ZFP28: variants seen among roughly 807,000 people sequenced by gnomAD.
The protein encoded by ZFP28 is ZFP28 zinc finger protein, also known as zinc finger protein 28 homolog.
A neutral mutation model predicts 39.5 loss-of-function variants in ZFP28; 31 were observed. The observed-to-expected ratio is 0.79, with a 90% confidence interval of 0.59 to 1.06. The LOEUF (loss-of-function observed/expected upper bound fraction) is 1.06. Among genes scored for constraint, ZFP28 ranks in the 50% least tolerant of loss-of-function variants. ZFP28 has a pLI of 0.00. For synonymous variants in ZFP28, 400 were observed against 378.6 expected (o/e 1.06, Z -0.66); for missense variants, 925 against 1,048.4 (o/e 0.88, Z 1.63).
intron 7 of ZFP28, 144 bp from the exon 8 acceptor site, chr19:56,553,540 C>A (rs1327379892): frequency 8.9e-7 from 1 of 1,122,500 alleles, no homozygotes. Context: ...TGTGCCTGGC[C>A]CTAAATGTAA....
intron 2 of ZFP28, among the ~76,000 whole-genome samples, chr19:56,543,542 C>A (rs2044214579): frequency 6.6e-6 from 1 of 151,692 alleles, no homozygotes; most frequent in African/African-American, 2.4e-5. Flanking sequence ...GTGGCTGGGC[C>A]TATAGGCGTG....
chr19:56,550,831 T>G, intron 7 of ZFP28: 1 of 1,484,672 alleles, frequency 6.7e-7, no homozygotes, highest in Non-Finnish European at 8.9e-7. Flanking sequence ...TCTTGGCCAC[T>G]GGGACGTGTA....
rs140215223 is a variant in ZFP28 at position 56,554,303 on chromosome 19, T to C, written c.1518T>C (p.Asp506=). Residue 506 remains aspartate (D), a synonymous_variant, in exon 8 of 8, where the codon GAT becomes GAC. Transcript: ENST00000301318. The surrounding 1 kb of genome is among the most constrained non-coding windows in gnomAD (Gnocchi z 6.7). The part of the protein sequence containing the change: ...RYYHTGEKPF[D]CIDCGKAFSD... Reference sequence around the variant, plus strand: ...ATCATACTGGGGAGAAACCCTTTGATTGCATCGATTGTGGGAAAGCCTTCA... The same window carrying C: ...ATCATACTGGGGAGAAACCCTTTGACTGCATCGATTGTGGGAAAGCCTTCA... 1.9e-6 allele frequency: 3 copies of C among 1,613,930 alleles called. No individual in the cohort carries two copies. The African/African-American group carries it at 4.0e-5, about 22-fold the overall frequency.
At chr19:56,553,500 C>G (rs867927193) in intron 7 of ZFP28, among the ~76,000 whole-genome samples, 184 bp from the exon 8 acceptor site, 3 of 152,168 alleles carry the variant, frequency 2.0e-5, no homozygotes, top group Non-Finnish European at 4.4e-5. Context: ...CTCAGCCTCC[C>G]AAAGCACTGG....
chr19:56,541,877 ATTT>A (rs11297964), intron 2 of ZFP28, among the ~76,000 whole-genome samples: 961 of 61,206 alleles, frequency 0.016, 25 homozygotes, highest in African/African-American at 0.08. Flanking sequence ...CACCTGGCTA[ATTT>A]TTTTTTTTTT....
intron 5 of ZFP28, 88 bp downstream of exon 5, chr19:56,549,209 A>G (rs1394747445): frequency 3.5e-6 from 5 of 1,434,108 alleles, no homozygotes; most frequent in African/African-American, 1.4e-5. Context: ...TACAACAACT[A>G]TAAGAGAAGT....
At chr19:56,551,372 T>C in intron 7 of ZFP28, 1 of 985,882 alleles carries the variant, frequency 1.0e-6, no homozygotes, top group Non-Finnish European at 1.2e-6. Context: ...CTTAGATCCA[T>C]TTAAGTCAGG....
At chr19:56,537,760 T>A (rs139828248), upstream of ZFP28, 110 of 152,194 alleles carry the variant, frequency 7.2e-4, no homozygotes, top group African/African-American at 2.6e-3. Flanking sequence ...AATTCAAGAG[T>A]AAGGAGACCA....
intron 2 of ZFP28, among the ~76,000 whole-genome samples, chr19:56,540,643 T>C (rs2044187791): frequency 6.6e-6 from 1 of 152,238 alleles, no homozygotes; most frequent in Non-Finnish European, 1.5e-5. Context: ...AAACTTGTGC[T>C]GGATGAGGCC....
chr19:56,538,664 C>G (rs935504494), upstream of ZFP28: 1 of 151,846 alleles, frequency 6.6e-6, no homozygotes, highest in South Asian at 2.1e-4. Flanking sequence ...TCCGTCCCTG[C>G]TTGGGACTAC....
intron 7 of ZFP28, chr19:56,551,167 C>G (rs926204252): frequency 1.0e-6 from 1 of 991,494 alleles, no homozygotes; most frequent in Admixed American, 5.8e-5. Flanking sequence ...AGATGTTGTT[C>G]CCAGTGGTGT....
At chr19:56,537,438 C>T (rs1187176036), upstream of ZFP28, among the ~76,000 whole-genome samples, 1 of 152,154 alleles carries the variant, frequency 6.6e-6, no homozygotes, top group Admixed American at 6.5e-5. Context: ...GGTTACAGAG[C>T]CACTACTCCT....
In ZFP28 at chr19:56,554,279, T is replaced by A. The variant is rs745588361; in HGVS notation, c.1494T>A (p.Tyr498Ter). Reference protein sequence around the residue: ...NTSLIRHWRYYHTGEKPFDCI... With the variant: ...NTSLIRHWRY ...CCCTTATCCGTCACTGGAGATACTA[T>A]CATACTGGGGAGAAACCCTTTGATT... Residue 498 changes from tyrosine (Y) to a stop codon, truncating the protein, a stop_gained, in exon 8 of 8, where the codon TAT (tyrosine) becomes TAA (stop). Coordinates refer to ENST00000301318, the MANE Select transcript of ZFP28 (RefSeq NM_020828.2). LOFTEE classifies it low-confidence loss of function (END_TRUNC). The surrounding 1 kb of genome is among the most constrained non-coding windows in gnomAD (Gnocchi z 6.7). The A allele has an allele frequency of 1.9e-6, 3 of 1,614,156 alleles. No homozygotes were observed. The highest frequency in any genetic ancestry group is 2.5e-6 in the Non-Finnish European group (3 of 1,180,038).
intron 2 of ZFP28, among the ~76,000 whole-genome samples, chr19:56,543,396 A>G (rs1392550104): frequency 6.8e-6 from 1 of 147,598 alleles, no homozygotes; most frequent in African/African-American, 2.5e-5. Context: ...ATATATGTAT[A>G]TATAATTTTT....
upstream of ZFP28, chr19:56,538,409 G>A: frequency 6.5e-6 from 1 of 153,266 alleles, no homozygotes; most frequent in Non-Finnish European, 1.5e-5. Flanking sequence ...ACCCCTCGCC[G>A]CAAGCCCCGC....
In ZFP28 at chr19:56,539,023, G is replaced by C. The variant is rs541673443; in HGVS notation, c.5G>C (p.Arg2Pro). The C allele has an allele frequency of 7.0e-6, 10 of 1,428,528 alleles. No homozygotes were observed. Among genetic ancestry groups the C allele is most frequent in the East Asian group, 5.4e-5 (2 of 37,094 alleles). 88.5% of individuals were successfully genotyped at this position (1,428,528 alleles called of 1,614,324 possible). The change falls in exon 1 of 8, where the codon CGG becomes CCG. Residue 2 changes from arginine to proline, a missense_variant. By Grantham distance (103) the Arg-to-Pro change is moderately radical. Transcript: ENST00000301318. M[R>P]GAASASVREP... Reference sequence around the variant, plus strand: ...CGTCGCGCGGCCTCGGGTGACATGCGGGGGGCGGCGAGCGCGAGTGTCCGC... The same window carrying C: ...CGTCGCGCGGCCTCGGGTGACATGCCGGGGGCGGCGAGCGCGAGTGTCCGC...
rs2044324503 is a variant in ZFP28, at chr19:56,553,705, C to T, written c.920C>T (p.Thr307Ile). ...LFSGQRSVHETQELFPKQDSY... is the reference protein window; with the variant it reads ...LFSGQRSVHEIQELFPKQDSY... The stretch of plus-strand genomic sequence containing the variant: ...TCAGGCCAGCGATCTGTACATGAGA[C>T]CCAGGAATTATTTCCAAAGCAAGAT... Residue 307 changes from threonine to isoleucine, a missense_variant, in exon 8 of 8, where the codon ACC becomes ATC. By Grantham distance (89) the Thr-to-Ile change is moderately conservative. Around this residue, in one of 2 missense-constraint regions of ZFP28, gnomAD observed 556 missense variants for 542.9 expected, o/e 1.02. Coordinates refer to ENST00000301318, the MANE Select transcript of ZFP28 (RefSeq NM_020828.2). 2.5e-6 allele frequency: 4 copies of T among 1,610,564 alleles called. No individual in the cohort carries two copies. Among genetic ancestry groups the T allele is most frequent in the Non-Finnish European group, 3.4e-6 (4 of 1,178,522 alleles).
chr19:56,538,709 G>T (rs1402132967), upstream of ZFP28: 1 of 150,870 alleles, frequency 6.6e-6, no homozygotes, highest in East Asian at 2.0e-4. Context: ...GGCCACGCCC[G>T]GTTCCGGCGG....
Position 56,555,650 on chromosome 19 carries a change from A to C in ZFP28, c.*258A>C. 6.8e-6 allele frequency: 3 copies of C among 439,982 alleles called. No individual in the cohort carries two copies. The highest frequency in any genetic ancestry group is 1.2e-5 in the Non-Finnish European group (3 of 254,032). The allele number at this position is 439,982 out of a possible 1,614,324, so 27.3% of individuals were successfully genotyped here. A position where few individuals can be genotyped will look rare whatever the true frequency, so the allele number is the denominator to read the frequency against. On this transcript the variant is annotated 3_prime_UTR_variant, in exon 8 of 8. Transcript: ENST00000301318. ...TTGTATTTGAACATTGAAAAGTTAC[A>C]GTAGTCAGCTCTGATAAAAAAATGA...
Sources: allele counts gnomAD v4.1 joint callset (sites outside exome capture counted in the v4.1 genomes callset), GRCh38; gene constraint gnomAD v4.1.1; regional missense constraint gnomAD v4.1.1; non-coding constraint Gnocchi (gnomAD v3.1); transcripts MANE v1.5; gene names NCBI Gene and HGNC (gene_info 2026-07-23, HGNC 2026-07-21).